EXOC6B: variants seen among roughly 807,000 people sequenced by gnomAD.
EXOC6B encodes exocyst complex component 6B, also known as SEC15 homolog B.
A neutral mutation model predicts 113.5 loss-of-function variants in EXOC6B; 54 were observed. The observed-to-expected ratio is 0.48, with a 90% CI of 0.38 to 0.60. The LOEUF (loss-of-function observed/expected upper bound fraction) is 0.60, where lower values mean the gene tolerates loss of function less well. Among genes scored for constraint, EXOC6B ranks in the 20% least tolerant of loss-of-function variants. The pLI is 0.00. For missense variants in EXOC6B, 797 were observed against 977.5 expected (o/e 0.82, Z 2.46); for synonymous variants, 357 against 339.0 (o/e 1.05, Z -0.58).
intron 13 of EXOC6B, 59 bp downstream of exon 13, chr2:72,498,395 C>T: frequency 8.5e-7 from 1 of 1,171,692 alleles, no homozygotes; most frequent in Admixed American, 2.2e-5. Context: ...CGCATAAATA[C>T]ATGTGTGTAC....
chr2:72,441,038 T>G (rs1031899105), intron 18 of EXOC6B, among the ~76,000 whole-genome samples: 2 of 152,240 alleles, frequency 1.3e-5, no homozygotes, highest in Non-Finnish European at 2.9e-5. Flanking sequence ...CTGGTCTATG[T>G]ACTTCAGTGT....
chr2:72,758,166 C>CA (rs59339550), intron 1 of EXOC6B, among the ~76,000 whole-genome samples: 18 of 93,808 alleles, frequency 1.9e-4, no homozygotes, highest in Non-Finnish European at 2.8e-4. Context: ...GACTCTGTCT[C>CA]AAAAAAAAAA....
chr2:72,374,979 T>C (rs930685590), intron 19 of EXOC6B, among the ~76,000 whole-genome samples: 5 of 151,802 alleles, frequency 3.3e-5, no homozygotes, highest in African/African-American at 9.7e-5. Context: ...GAAAAGAATA[T>C]ACTTATGCAA....
At chr2:72,561,089 A>G (rs1360474291) in intron 7 of EXOC6B, among the ~76,000 whole-genome samples, 1 of 152,078 alleles carries the variant, frequency 6.6e-6, no homozygotes, top group African/African-American at 2.4e-5. Context: ...TTCGGACTGC[A>G]AAGTAGAGAC....
At chr2:72,312,672 T>G (rs1345769678) in intron 20 of EXOC6B, among the ~76,000 whole-genome samples, 2 of 151,698 alleles carry the variant, frequency 1.3e-5, no homozygotes, top group Non-Finnish European at 2.9e-5. Flanking sequence ...GGAGAATCGC[T>G]TGAACCCAGG....
chr2:72,194,142 G>GA (rs1284616111), intron 20 of EXOC6B, among the ~76,000 whole-genome samples: 3 of 151,954 alleles, frequency 2.0e-5, no homozygotes, highest in South Asian at 2.1e-4. Context: ...AAAGAAAGAA[G>GA]AAAAAAATGG....
rs913233790 is a variant in EXOC6B, at chr2:72,788,532, C to T, written c.113+37266G>A. ...GCCAGCTGGGTCTGGTGCAGTGGCT[C>T]GCACCTGTAATCCTAGCACTTTGGG... On this transcript the variant is annotated intron_variant, in intron 1 of 21. Transcript: ENST00000272427. 5.9e-5 allele frequency among the ~76,000 whole-genome samples: 9 copies of T among 152,266 alleles called. 1 individual carries two copies. The highest frequency in any genetic ancestry group is 3.9e-4 in the Admixed American group (6 of 15,298).
At chr2:72,392,371 T>C (rs1300783998) in intron 18 of EXOC6B, among the ~76,000 whole-genome samples, 1 of 152,196 alleles carries the variant, frequency 6.6e-6, no homozygotes, top group Admixed American at 6.6e-5. Context: ...ATAATGGCAG[T>C]CCAGCTTGGG....
At chr2:72,389,840 T>C (rs1033349652) in intron 18 of EXOC6B, among the ~76,000 whole-genome samples, 1 of 152,222 alleles carries the variant, frequency 6.6e-6, no homozygotes, top group African/African-American at 2.4e-5. Context: ...TTTCAGCAAG[T>C]TGTTTTAATC....
At chr2:72,207,985 C>A (rs1373234130) in intron 20 of EXOC6B, among the ~76,000 whole-genome samples, 1 of 152,158 alleles carries the variant, frequency 6.6e-6, no homozygotes, top group Non-Finnish European at 1.5e-5. Context: ...CACCACCTAA[C>A]TTATTGGCTA....
At position 72,825,900 on chromosome 2, in the gene EXOC6B, C is replaced by T; in HGVS notation, c.11G>A (p.Gly4Asp). MER[G>D]KMAEAESLET... ...CAGGCTCTCCGCCTCCGCCATCTTA[C>T]CCCGCTCCATAGACTGGGGGCGCCC... Residue 4 changes from glycine to aspartate, a missense_variant, in exon 1 of 22, where the codon GGT becomes GAT. Physicochemically the swap from Gly to Asp is moderately conservative, Grantham distance 94. Coordinates refer to ENST00000272427, the MANE Select transcript of EXOC6B (RefSeq NM_015189.3). This position sits in a 1 kb window ranked among gnomAD's most constrained non-coding sequence, Gnocchi z 4.4. 5 of 1,612,974 alleles carry T rather than the reference C, an allele frequency of 3.1e-6. No homozygotes were observed. Among genetic ancestry groups the T allele is most frequent in the Non-Finnish European group, 4.2e-6 (5 of 1,179,652 alleles).
intron 19 of EXOC6B, among the ~76,000 whole-genome samples, chr2:72,368,255 A>G (rs903030791): frequency 2.6e-5 from 4 of 152,218 alleles, no homozygotes; most frequent in African/African-American, 9.6e-5. Flanking sequence ...GATAAACTAG[A>G]AAATCTAGAA....
intron 20 of EXOC6B, among the ~76,000 whole-genome samples, chr2:72,195,067 C>T (rs368062157): frequency 1.3e-5 from 2 of 152,136 alleles, no homozygotes; most frequent in East Asian, 3.9e-4. Context: ...GGGAACATCA[C>T]CCTGAGAAAT....
chr2:72,773,448 CAA>C (rs758534897), intron 1 of EXOC6B, among the ~76,000 whole-genome samples: 32 of 80,648 alleles, frequency 4.0e-4, no homozygotes, highest in Non-Finnish European at 4.5e-4. Flanking sequence ...GTTTTCTCAC[CAA>C]AAAAAAAAAA....
intron 8 of EXOC6B, among the ~76,000 whole-genome samples, chr2:72,531,446 G>C (rs1573335031): frequency 6.6e-6 from 1 of 152,222 alleles, no homozygotes; most frequent in African/African-American, 2.4e-5. Flanking sequence ...AAATCAAAAT[G>C]TCATTTATAG....
At chr2:72,753,371 T>C (rs997529797) in intron 1 of EXOC6B, among the ~76,000 whole-genome samples, 1 of 152,092 alleles carries the variant, frequency 6.6e-6, no homozygotes, top group African/African-American at 2.4e-5. Flanking sequence ...TACATTAACC[T>C]TGACACCTCA....
intron 6 of EXOC6B, among the ~76,000 whole-genome samples, chr2:72,630,150 C>T (rs77501274): frequency 0.011 from 1,734 of 152,158 alleles, 16 homozygotes; most frequent in South Asian, 0.042. Flanking sequence ...GTTTGGTTAC[C>T]CACCATTTCA....
chr2:72,470,934 C>T (rs527668943), intron 17 of EXOC6B, among the ~76,000 whole-genome samples: 2 of 152,226 alleles, frequency 1.3e-5, no homozygotes, highest in South Asian at 2.1e-4. Context: ...CATACATGGG[C>T]GTGTATCTTT....
intron 6 of EXOC6B, among the ~76,000 whole-genome samples, chr2:72,676,870 C>CT (rs1397899115): frequency 6.6e-6 from 1 of 152,108 alleles, no homozygotes; most frequent in African/African-American, 2.4e-5. Flanking sequence ...TCCTAGGCAA[C>CT]TTTTAAAAGA....
Sources: allele counts gnomAD v4.1 joint callset (sites outside exome capture counted in the v4.1 genomes callset), GRCh38; gene constraint gnomAD v4.1.1; non-coding constraint Gnocchi (gnomAD v3.1); transcripts MANE v1.5; gene names NCBI Gene and HGNC (gene_info 2026-07-23, HGNC 2026-07-21).